CDC42BPA: variants seen among roughly 807,000 people sequenced by gnomAD.
The protein encoded by CDC42BPA is serine/threonine-protein kinase MRCK alpha.
Under a neutral mutation model 223.5 loss-of-function variants are expected in CDC42BPA, and 80 were observed. The ratio of observed to expected loss-of-function variants is 0.36; its 90% CI spans 0.30 to 0.43. The LOEUF is 0.43. CDC42BPA is among the 20% of genes least tolerant of loss of function. The pLI is 1.00. For synonymous variants in CDC42BPA, 694 were observed against 718.6 expected, an observed-to-expected ratio of 0.97 and a Z score of 0.55; for missense variants, 1,743 against 2,099.9, an observed-to-expected ratio of 0.83 and a Z score of 3.32.
At chr1:227,024,254 C>T (rs1667858156) in intron 31 of CDC42BPA, among the ~76,000 whole-genome samples, 1 of 152,118 alleles carries the variant, frequency 6.6e-6, no homozygotes, top group African/African-American at 2.4e-5. Context: ...TAGCAACATG[C>T]AAACTGAAAC....
chr1:227,050,688 A>C (rs955702230), intron 22 of CDC42BPA, among the ~76,000 whole-genome samples: 1 of 152,182 alleles, frequency 6.6e-6, no homozygotes, highest in Non-Finnish European at 1.5e-5. Context: ...AGAAGGATAC[A>C]GGTAATATTT....
At chr1:227,091,198 G>A (rs4551563) in intron 16 of CDC42BPA, among the ~76,000 whole-genome samples, 13,425 of 151,854 alleles carry the variant, frequency 0.088, 820 homozygotes, top group Middle Eastern at 0.14. Context: ...CGGGGTAAAC[G>A]ATGAATATAT....
intron 3 of CDC42BPA, among the ~76,000 whole-genome samples, chr1:227,201,688 C>T (rs953042546): frequency 6.7e-6 from 1 of 150,094 alleles, no homozygotes; most frequent in Admixed American, 6.6e-5. Context: ...CATACACACA[C>T]ACACACAGAT....
At chr1:227,092,832 G>T (rs539511399) in intron 15 of CDC42BPA, among the ~76,000 whole-genome samples, 2 of 151,864 alleles carry the variant, frequency 1.3e-5, no homozygotes, top group Non-Finnish European at 2.9e-5. Context: ...TGTATATACC[G>T]ATTTTATTAG....
chr1:227,067,369 A>G (rs1677301993), intron 21 of CDC42BPA, among the ~76,000 whole-genome samples: 2 of 149,242 alleles, frequency 1.3e-5, no homozygotes, highest in South Asian at 4.2e-4. Context: ...ATATATGTAC[A>G]TTTTTTTTTT....
At chr1:227,152,895 A>G (rs1662042105) in intron 6 of CDC42BPA, among the ~76,000 whole-genome samples, 1 of 152,130 alleles carries the variant, frequency 6.6e-6, no homozygotes. Flanking sequence ...GGCATATGAT[A>G]AAGAAAAGAA....
chr1:227,200,735 G>A (rs1671615412), intron 3 of CDC42BPA, among the ~76,000 whole-genome samples: 1 of 152,038 alleles, frequency 6.6e-6, no homozygotes. Flanking sequence ...AAGTAGAAAT[G>A]CTAAATGAAA....
chr1:227,206,106 T>C (rs570788925), intron 3 of CDC42BPA, among the ~76,000 whole-genome samples: 4 of 152,350 alleles, frequency 2.6e-5, no homozygotes, highest in Non-Finnish European at 4.4e-5. Flanking sequence ...AGACAGTGAG[T>C]GTTTCTGTAA....
chr1:227,282,697 T>G (rs897747969), intron 1 of CDC42BPA, among the ~76,000 whole-genome samples: 1 of 152,224 alleles, frequency 6.6e-6, no homozygotes, highest in Non-Finnish European at 1.5e-5. Context: ...TAGTGGTTCT[T>G]ACATTTATTC....
intron 3 of CDC42BPA, among the ~76,000 whole-genome samples, chr1:227,211,168 G>C (rs1037387506): frequency 6.6e-6 from 1 of 152,064 alleles, no homozygotes; most frequent in African/African-American, 2.4e-5. Flanking sequence ...TAAAAACTAA[G>C]GTGTTGAATA....
At chr1:227,114,242 G>C (rs1687420586) in intron 12 of CDC42BPA, among the ~76,000 whole-genome samples, 1 of 151,936 alleles carries the variant, frequency 6.6e-6, no homozygotes, top group Admixed American at 6.6e-5. Flanking sequence ...CCTCAAATAA[G>C]GCGGGGAGGA....
intron 10 of CDC42BPA, among the ~76,000 whole-genome samples, chr1:227,130,844 ACT>A (rs1259304909): frequency 2.1e-5 from 3 of 145,342 alleles, no homozygotes; most frequent in Admixed American, 6.9e-5. Flanking sequence ...ATAGATCGAG[ACT>A]CTGTCTCAAA....
intron 5 of CDC42BPA, among the ~76,000 whole-genome samples, chr1:227,174,707 C>T (rs2149970343): frequency 6.6e-6 from 1 of 152,148 alleles, no homozygotes; most frequent in East Asian, 1.9e-4. Context: ...TGAAGAAAAC[C>T]ATAAATAAGT....
At position 227,318,434 on chromosome 1, in the gene CDC42BPA, G is replaced by C. The variant is rs1694732492; in HGVS notation, c.-1252C>G. ...CGCGCTCGCGCCCTGGGCTCAGCGA[G>C]GCTCCTCCAGTCCCGCCGCACAGAG... is the stretch of plus-strand genomic sequence containing the variant. On this transcript the variant is annotated 5_prime_UTR_variant, in exon 1 of 37. Transcript: ENST00000366766. The C allele has an allele frequency of 6.6e-6, 1 of 152,252 alleles. No individual in the cohort carries two copies. The highest frequency in any genetic ancestry group is 2.4e-5 in the African/African-American group (1 of 41,394). The allele number at this position is 152,252 out of a possible 1,614,324, so 9.4% of individuals were successfully genotyped here. A position where few individuals can be genotyped will look rare whatever the true frequency, so the allele number is the denominator to read the frequency against.
intron 32 of CDC42BPA, among the ~76,000 whole-genome samples, chr1:227,018,201 A>C (rs1028810123): frequency 6.6e-6 from 1 of 152,058 alleles, no homozygotes; most frequent in Non-Finnish European, 1.5e-5. Flanking sequence ...CACATGCGCC[A>C]CCATGCCCAG....
At chr1:227,150,019 T>C (rs1419900137) in intron 6 of CDC42BPA, among the ~76,000 whole-genome samples, 1 of 151,836 alleles carries the variant, frequency 6.6e-6, no homozygotes, top group East Asian at 1.9e-4. Flanking sequence ...AGCTCAGAAG[T>C]TGGAGACCAG....
chr1:227,037,638 CT>C (rs1670528673), intron 24 of CDC42BPA, among the ~76,000 whole-genome samples: 1 of 152,148 alleles, frequency 6.6e-6, no homozygotes, highest in African/African-American at 2.4e-5. Flanking sequence ...GCTACATTTC[CT>C]TTAAGGTCCC....
intron 14 of CDC42BPA, among the ~76,000 whole-genome samples, chr1:227,109,140 T>TGA (rs1208866851): frequency 2.6e-5 from 4 of 152,164 alleles, no homozygotes; most frequent in African/African-American, 9.7e-5. Context: ...TTGGCCTGGA[T>TGA]GAGTTAGTGA....
chr1:227,030,357 T>A (rs752321270), intron 29 of CDC42BPA, 51 bp downstream of exon 29: 2 of 1,075,660 alleles, frequency 1.9e-6, no homozygotes, highest in Non-Finnish European at 1.3e-6. Flanking sequence ...ACAGTTTAAA[T>A]TTTTTTAACA....
Sources: gnomAD v4.1 joint callset for allele counts (sites outside exome capture counted in the v4.1 genomes callset) on GRCh38, gnomAD v4.1.1 for gene constraint, MANE v1.5 for transcripts, NCBI Gene and HGNC (gene_info 2026-07-23, HGNC 2026-07-21) for gene names.